C8orf34: variants seen among roughly 807,000 people sequenced by gnomAD.
C8orf34 encodes uncharacterized protein C8orf34.
C8orf34 carries 65 observed loss-of-function variants against 68.3 expected under a neutral mutation model. The observed-to-expected ratio is 0.95, with a 90% CI of 0.78 to 1.17. C8orf34 has a LOEUF of 1.17. Among genes scored for constraint, C8orf34 ranks in the 50% most tolerant of loss-of-function variants. The pLI is 0.00. For missense variants in C8orf34, 664 were observed against 655.4 expected (o/e 1.01, Z -0.14); for synonymous variants, 244 against 241.2 (o/e 1.01, Z -0.11).
At chr8:68,332,977 C>T (rs1805694988) in intron 1 of C8orf34, among the ~76,000 whole-genome samples, 1 of 152,094 alleles carries the variant, frequency 6.6e-6, no homozygotes, top group Non-Finnish European at 1.5e-5. Context: ...GTATTAATTG[C>T]ATCGAAAGAA....
intron 7 of C8orf34, among the ~76,000 whole-genome samples, chr8:68,630,703 A>T (rs1311315211): frequency 1.3e-5 from 2 of 152,118 alleles, no homozygotes; most frequent in Non-Finnish European, 2.9e-5. Context: ...ATTCCAAAAA[A>T]GTCCTACAAT....
intron 8 of C8orf34, among the ~76,000 whole-genome samples, chr8:68,688,798 T>C (rs1056056473): frequency 2.0e-5 from 3 of 151,564 alleles, no homozygotes; most frequent in Non-Finnish European, 4.4e-5. Context: ...AACGTGGACA[T>C]AGAAAGGGGA....
Position 68,461,596 on chromosome 8 carries a change from G to A in C8orf34, c.608-7096G>A, listed in dbSNP as rs576676807. ...CATCAGACTAAGAGCGGATCTCTCG[G>A]CAGAAACTCTACAAGCCAGAAGAGA... On this transcript the variant is annotated intron_variant, in intron 3 of 13. Transcript: ENST00000518698. 2.1e-3 allele frequency among the ~76,000 whole-genome samples: 325 copies of A among 152,320 alleles called. 1 individual carries two copies. The highest frequency in any genetic ancestry group is 7.0e-3 in the African/African-American group (292 of 41,568).
intron 12 of C8orf34, among the ~76,000 whole-genome samples, chr8:68,796,819 CTTCTTT>C (rs1404070988): frequency 1.8e-5 from 2 of 113,162 alleles, no homozygotes; most frequent in Non-Finnish European, 3.5e-5. Flanking sequence ...TATTTGAGTT[CTTCTTT>C]TTTTTTTTTT....
chr8:68,700,970 A>G (rs1186013487), intron 8 of C8orf34, among the ~76,000 whole-genome samples: 2 of 152,168 alleles, frequency 1.3e-5, no homozygotes, highest in Non-Finnish European at 2.9e-5. Context: ...CGAGAAAGAT[A>G]GGTTAATTTT....
chr8:68,733,598 G>A (rs1012716548), intron 10 of C8orf34, among the ~76,000 whole-genome samples: 3 of 151,792 alleles, frequency 2.0e-5, no homozygotes, highest in South Asian at 2.1e-4. Flanking sequence ...CAGGTTTAGC[G>A]TTTCAATATT....
intron 3 of C8orf34, among the ~76,000 whole-genome samples, chr8:68,466,738 C>CATATATATAT (rs35661495): frequency 0.017 from 2,004 of 120,380 alleles, 45 homozygotes; most frequent in Non-Finnish European, 0.021. Context: ...CAACGTTGTA[C>CATATATATAT]ATATATATAT....
At chr8:68,774,327 G>GTATATATATATATATATATA (rs1332535200) in intron 10 of C8orf34, among the ~76,000 whole-genome samples, 1,388 of 95,736 alleles carry the variant, frequency 0.014, 91 homozygotes, top group African/African-American at 0.043. Context: ...ATATGGGTGT[G>GTATATATATATATATATATA]TGTGTATATA....
In C8orf34 at chr8:68,392,376, G is replaced by A. The variant is rs60979437; in HGVS notation, c.328-47123G>A. ...AGTTCCTGTATTTACTGGGAGCATA[G>A]AGGATTTCTATTTTCTTAGCAATGT... On this transcript the variant is annotated intron_variant, in intron 1 of 13. Coordinates refer to ENST00000518698, the MANE Select transcript of C8orf34 (RefSeq NM_052958.4). Among the ~76,000 whole-genome samples the A allele has an allele frequency of 1.9e-3, 286 of 151,936 alleles. 5 individuals are homozygous for A. Among genetic ancestry groups the A allele is most frequent in the Admixed American group, 0.018 (278 of 15,260 alleles).
intron 10 of C8orf34, among the ~76,000 whole-genome samples, chr8:68,745,456 C>G (rs1489632853): frequency 6.6e-6 from 1 of 152,120 alleles, no homozygotes; most frequent in Non-Finnish European, 1.5e-5. Context: ...GATAAAGAGT[C>G]AAGACCCATC....
chr8:68,721,624 C>T (rs535988235), intron 10 of C8orf34, among the ~76,000 whole-genome samples, 187 bp downstream of exon 10: 1 of 151,920 alleles, frequency 6.6e-6, no homozygotes, highest in South Asian at 2.1e-4. Flanking sequence ...GTGTTATTAA[C>T]TGCTTGCTTG....
chr8:68,516,529 A>G (rs1814522120), intron 5 of C8orf34, among the ~76,000 whole-genome samples: 1 of 152,190 alleles, frequency 6.6e-6, no homozygotes, highest in South Asian at 2.1e-4. Context: ...AGCCTAGGAC[A>G]AGGTAACTAC....
chr8:68,417,487 TA>T (rs1809727594), intron 1 of C8orf34, among the ~76,000 whole-genome samples: 1 of 152,092 alleles, frequency 6.6e-6, no homozygotes, highest in African/African-American at 2.4e-5. Context: ...TGTCCTGATA[TA>T]AAAATATCTA....
chr8:68,817,705 A>G (rs1824860044), intron 13 of C8orf34, among the ~76,000 whole-genome samples: 2 of 152,160 alleles, frequency 1.3e-5, no homozygotes, highest in South Asian at 4.1e-4. Flanking sequence ...GACATACCTG[A>G]GACTGGGTAA....
intron 7 of C8orf34, among the ~76,000 whole-genome samples, chr8:68,611,572 C>A (rs1024665945): frequency 6.6e-6 from 1 of 152,092 alleles, no homozygotes; most frequent in African/African-American, 2.4e-5. Context: ...GGAAGAAAAA[C>A]CACTCCTTGT....
chr8:68,622,113 C>T (rs935435333), intron 7 of C8orf34, among the ~76,000 whole-genome samples: 2 of 152,212 alleles, frequency 1.3e-5, no homozygotes, highest in African/African-American at 4.8e-5. Flanking sequence ...GTGTCAGTTC[C>T]TAGCTGATCA....
At chr8:68,572,664 G>T (rs1022669721) in intron 7 of C8orf34, among the ~76,000 whole-genome samples, 1 of 151,938 alleles carries the variant, frequency 6.6e-6, no homozygotes, top group Non-Finnish European at 1.5e-5. Context: ...TACCTAGGGG[G>T]ACTCTTAAAT....
At chr8:68,436,600 G>A (rs767250726) in intron 1 of C8orf34, among the ~76,000 whole-genome samples, 5 of 152,084 alleles carry the variant, frequency 3.3e-5, no homozygotes, top group Non-Finnish European at 7.4e-5. Context: ...CACAACCCTT[G>A]CACTGATGGT....
chr8:68,733,022 C>A (rs112105105), intron 10 of C8orf34, among the ~76,000 whole-genome samples: 7 of 152,206 alleles, frequency 4.6e-5, no homozygotes, highest in African/African-American at 1.7e-4. Flanking sequence ...TGAGATCACC[C>A]CACTGTGCTC....
Sources: allele counts gnomAD v4.1 joint callset (sites outside exome capture counted in the v4.1 genomes callset), GRCh38; gene constraint gnomAD v4.1.1; transcripts MANE v1.5; gene names NCBI Gene and HGNC (gene_info 2026-07-23, HGNC 2026-07-21).